SLC20A2: variants seen among roughly 807,000 people sequenced by gnomAD.
SLC20A2 encodes the protein sodium-dependent phosphate transporter 2.
SLC20A2 carries 30 observed loss-of-function variants against 61.0 expected under a neutral mutation model. The ratio of observed to expected loss-of-function variants is 0.49; its 90% CI spans 0.37 to 0.67. The LOEUF (loss-of-function observed/expected upper bound fraction) is 0.67, where lower values mean the gene tolerates loss of function less well. Ranked by LOEUF, SLC20A2 falls within the 30% of genes least tolerant of loss-of-function variation. SLC20A2 has a pLI of 0.00. For synonymous variants in SLC20A2, 351 were observed against 353.3 expected, an observed-to-expected ratio of 0.99 and a Z score of 0.07; for missense variants, 626 against 866.4, an observed-to-expected ratio of 0.72 and a Z score of 3.48.
chr8:42,495,244 G>C (rs908404155), intron 1 of SLC20A2, among the ~76,000 whole-genome samples: 3 of 152,148 alleles, frequency 2.0e-5, no homozygotes, highest in Admixed American at 1.3e-4. Flanking sequence ...ACCAAGAAAA[G>C]AATGACTATT....
At chr8:42,531,294 T>C (rs1197764437) in intron 1 of SLC20A2, among the ~76,000 whole-genome samples, 1 of 152,210 alleles carries the variant, frequency 6.6e-6, no homozygotes, top group East Asian at 1.9e-4. Flanking sequence ...GGACCATTAA[T>C]GGACTCTTAG....
rs112907235 is a variant in SLC20A2 at position 42,473,145 on chromosome 8, T to C, written c.-264-491A>G. ...CGCATAAGCAATGAGCACAGTATAT[T>C]ATCATGCATGTGTCTGGGAGAGTTT... On this transcript the variant is annotated intron_variant, in intron 1 of 10. Transcript: ENST00000520262. Among the ~76,000 whole-genome samples the C allele has an allele frequency of 5.9e-3, 902 of 152,286 alleles. 7 individuals carry two copies. Among genetic ancestry groups the C allele is most frequent in the African/African-American group, 0.021 (854 of 41,564 alleles).
At chr8:42,523,472 A>G (rs1811726261) in intron 1 of SLC20A2, among the ~76,000 whole-genome samples, 1 of 152,256 alleles carries the variant, frequency 6.6e-6, no homozygotes, top group Admixed American at 6.5e-5. Flanking sequence ...CTGGTTATAA[A>G]GTTTTTGAGA....
At chr8:42,505,740 A>T (rs527308345), upstream of SLC20A2, among the ~76,000 whole-genome samples, 91 of 151,988 alleles carry the variant, frequency 6.0e-4, no homozygotes, top group African/African-American at 2.1e-3. Context: ...TCTACAAAAA[A>T]CTTAGCCGGG....
chr8:42,450,311 T>C (rs916028776), intron 5 of SLC20A2, among the ~76,000 whole-genome samples: 1 of 151,870 alleles, frequency 6.6e-6, no homozygotes, highest in African/African-American at 2.4e-5. Context: ...CATTGCAACC[T>C]CTACCTCCCA....
chr8:42,439,764 C>CAA, intron 6 of SLC20A2, 111 bp from the exon 7 acceptor site: 6 of 727,944 alleles, frequency 8.2e-6, no homozygotes, highest in Non-Finnish European at 1.1e-5. Context: ...ATTTTGGAAA[C>CAA]AAAAAAAAAA....
At chr8:42,489,882 C>T (rs955687873) in intron 1 of SLC20A2, among the ~76,000 whole-genome samples, 13 of 152,170 alleles carry the variant, frequency 8.5e-5, no homozygotes, top group African/African-American at 2.2e-4. Flanking sequence ...GAGTGGCCTT[C>T]GGGGAGCTGG....
chr8:42,498,897 A>G (rs1810134449), intron 1 of SLC20A2, among the ~76,000 whole-genome samples: 1 of 152,234 alleles, frequency 6.6e-6, no homozygotes, highest in South Asian at 2.1e-4. Flanking sequence ...ATGTGAGGGA[A>G]GAGGTCCCAG....
intron 1 of SLC20A2, among the ~76,000 whole-genome samples, chr8:42,534,487 C>G (rs764661349): frequency 2.0e-5 from 3 of 151,830 alleles, no homozygotes; most frequent in Non-Finnish European, 4.4e-5. Context: ...ATGAGAACAA[C>G]AAAACACTGA....
chr8:42,460,322 C>CAGA (rs1364096985), intron 4 of SLC20A2, among the ~76,000 whole-genome samples: 1 of 152,222 alleles, frequency 6.6e-6, no homozygotes, highest in Non-Finnish European at 1.5e-5. Context: ...GACCAAAGCC[C>CAGA]AGAGCTCAGC....
intron 1 of SLC20A2, among the ~76,000 whole-genome samples, chr8:42,509,649 G>A (rs1214351632): frequency 6.6e-6 from 1 of 152,138 alleles, no homozygotes; most frequent in Non-Finnish European, 1.5e-5. Context: ...AGGTACTTGG[G>A]AAGCTGAGGT....
chr8:42,462,389 A>G (rs1222735938), intron 4 of SLC20A2, among the ~76,000 whole-genome samples: 1 of 152,240 alleles, frequency 6.6e-6, no homozygotes, highest in Non-Finnish European at 1.5e-5. Flanking sequence ...CCCTGCCTGC[A>G]GAGGAAGCAT....
intron 1 of SLC20A2, among the ~76,000 whole-genome samples, chr8:42,520,419 T>G (rs1338987199): frequency 8.0e-6 from 1 of 124,768 alleles, no homozygotes; most frequent in Non-Finnish European, 1.9e-5. Context: ...TACAAAGAAT[T>G]GATATTTTAA....
chr8:42,463,702 G>A (rs1806888100), intron 3 of SLC20A2, among the ~76,000 whole-genome samples: 2 of 152,032 alleles, frequency 1.3e-5, no homozygotes, highest in African/African-American at 2.4e-5. Flanking sequence ...TTTTTCAATC[G>A]CTTCCCCGGG....
At chr8:42,453,882 T>A (rs1805929027) in intron 5 of SLC20A2, among the ~76,000 whole-genome samples, 1 of 152,148 alleles carries the variant, frequency 6.6e-6, no homozygotes, top group South Asian at 2.1e-4. Context: ...CTGGGTTAGG[T>A]TAATTATGAC....
intron 1 of SLC20A2, among the ~76,000 whole-genome samples, chr8:42,496,518 C>A (rs1809939727): frequency 6.6e-6 from 1 of 152,200 alleles, no homozygotes; most frequent in African/African-American, 2.4e-5. Context: ...GAATGGCCAC[C>A]TTCCTGACTC....
At chr8:42,453,359 T>C (rs1339464468) in intron 5 of SLC20A2, among the ~76,000 whole-genome samples, 1 of 152,208 alleles carries the variant, frequency 6.6e-6, no homozygotes, top group Admixed American at 6.5e-5. Flanking sequence ...TTTTTAAAAG[T>C]GCGAACTTAG....
At chr8:42,452,751 G>A (rs796812826) in intron 5 of SLC20A2, among the ~76,000 whole-genome samples, 17 of 152,158 alleles carry the variant, frequency 1.1e-4, no homozygotes, top group African/African-American at 3.1e-4. Flanking sequence ...GCAGGAGGCC[G>A]CAGAGGCAGG....
Position 42,463,068 on chromosome 8 carries a change from T to G in SLC20A2, c.453A>C (p.Pro151=). 6.9e-6 allele frequency: 11 copies of G among 1,597,576 alleles called. No individual in the cohort carries two copies. The highest frequency in any genetic ancestry group is 9.4e-6 in the Non-Finnish European group (11 of 1,172,696). The change falls in exon 4 of 11, where the codon CCA becomes CCC. Residue 151 remains proline, a synonymous_variant. Transcript: ENST00000520262. ...GGCCAGACATGAAACCAGACAACAG[T>G]GGAGATATAAACCAAGAAGCAACTG... ...VKIVASWFIS[P]LLSGFMSGLL... is the part of the protein sequence containing the mutation.
Sources: allele counts gnomAD v4.1 joint callset (sites outside exome capture counted in the v4.1 genomes callset), GRCh38; gene constraint gnomAD v4.1.1; transcripts MANE v1.5; gene names NCBI Gene and HGNC (gene_info 2026-07-23, HGNC 2026-07-21).